The following TRHDE variants were observed in gnomAD, a reference collection of about 807,000 sequenced individuals.
The protein encoded by TRHDE is thyrotropin-releasing hormone-degrading ectoenzyme.
Under a neutral mutation model 125.7 loss-of-function variants are expected in TRHDE, and 72 were observed. The observed-to-expected ratio is 0.57, with a 90% CI of 0.47 to 0.70. The LOEUF (loss-of-function observed/expected upper bound fraction) is 0.70, where lower values mean the gene tolerates loss of function less well. Among genes scored for constraint, TRHDE ranks in the 30% least tolerant of loss-of-function variants. The pLI is 0.00. For missense variants in TRHDE, 1,110 were observed against 1,327.1 expected, an observed-to-expected ratio of 0.84 and a Z score of 2.54; for synonymous variants, 509 against 509.1, an observed-to-expected ratio of 1.00 and a Z score of 0.00.
intron 1 of TRHDE, among the ~76,000 whole-genome samples, chr12:72,275,275 T>A (rs765555648): frequency 3.3e-5 from 5 of 152,228 alleles, no homozygotes; most frequent in Non-Finnish European, 7.3e-5. Flanking sequence ...GTTGTGAAAG[T>A]AAGCAAAAGT....
chr12:72,640,653 G>A (rs1224644300), intron 15 of TRHDE, among the ~76,000 whole-genome samples: 1 of 148,804 alleles, frequency 6.7e-6, no homozygotes, highest in Non-Finnish European at 1.5e-5. Flanking sequence ...AAAGTAATAA[G>A]GTTCACGCAT....
chr12:72,139,964 G>A (rs1876076698), intron 2 of TRHDE, among the ~76,000 whole-genome samples: 3 of 152,044 alleles, frequency 2.0e-5, no homozygotes, highest in Non-Finnish European at 1.5e-5. Flanking sequence ...ACTCTTCATG[G>A]CAATAACATA....
intron 7 of TRHDE, among the ~76,000 whole-genome samples, chr12:72,545,085 C>A (rs780733422): frequency 6.6e-6 from 1 of 151,348 alleles, no homozygotes; most frequent in Non-Finnish European, 1.5e-5. Flanking sequence ...GTTGGTGATA[C>A]CACCAGCAAA....
intron 15 of TRHDE, among the ~76,000 whole-genome samples, chr12:72,639,588 G>T (rs1306692155): frequency 1.5e-5 from 2 of 136,680 alleles, no homozygotes; most frequent in Non-Finnish European, 2.9e-5. Context: ...CTGCTTTTTA[G>T]AGTTTCCAGT....
intron 6 of TRHDE, among the ~76,000 whole-genome samples, chr12:72,518,060 T>C (rs2135957872): frequency 6.7e-6 from 1 of 148,256 alleles, no homozygotes; most frequent in Admixed American, 6.7e-5. Flanking sequence ...GAGCTTTACT[T>C]CCAAGTATGT....
At chr12:72,250,862 A>ATTTT (rs1555170862) in intron 2 of TRHDE, among the ~76,000 whole-genome samples, 1 of 144,262 alleles carries the variant, frequency 6.9e-6, no homozygotes, top group African/African-American at 2.5e-5. Flanking sequence ...ATATATATAT[A>ATTTT]TTTTATTTTT....
chr12:72,581,242 T>C (rs1207657165), intron 12 of TRHDE, among the ~76,000 whole-genome samples: 2 of 152,210 alleles, frequency 1.3e-5, no homozygotes, highest in African/African-American at 4.8e-5. Context: ...AAACTAAATA[T>C]TTAAAAGATT....
intron 13 of TRHDE, 113 bp from the exon 14 acceptor site, chr12:72,620,995 A>T: frequency 1.9e-6 from 1 of 535,030 alleles, no homozygotes; most frequent in Non-Finnish European, 3.3e-6. Flanking sequence ...TTTTATGGAT[A>T]TTTGAAAGTA....
In TRHDE at chr12:72,363,784, G is replaced by A. The variant is rs550027298; in HGVS notation, c.1189-14211G>A. 4.4e-3 allele frequency among the ~76,000 whole-genome samples: 677 copies of A among 152,164 alleles called. 8 individuals are homozygous for A. The highest frequency in any genetic ancestry group is 0.015 in the African/African-American group (639 of 41,502). On this transcript the variant is annotated intron_variant, in intron 2 of 18. Transcript: ENST00000261180. Reference sequence around the variant, plus strand: ...AGTTCTAGCCAGGGCAATGAGGCAGGAGAAGGAAATAAAGGGTATTCAATT... The same window carrying A: ...AGTTCTAGCCAGGGCAATGAGGCAGAAGAAGGAAATAAAGGGTATTCAATT...
intron 18 of TRHDE, among the ~76,000 whole-genome samples, chr12:72,661,495 ATAAAT>A (rs1332577096): frequency 4.6e-5 from 7 of 152,208 alleles, no homozygotes; most frequent in African/African-American, 1.7e-4. Context: ...TATTTTTATA[ATAAAT>A]TAAAACAAAA....
At chr12:72,214,807 A>C (rs1310027942) in intron 2 of TRHDE, among the ~76,000 whole-genome samples, 1 of 152,168 alleles carries the variant, frequency 6.6e-6, no homozygotes, top group Non-Finnish European at 1.5e-5. Flanking sequence ...CTTTGAGATA[A>C]TTTCTCTTCA....
intron 3 of TRHDE, among the ~76,000 whole-genome samples, chr12:72,400,708 A>G (rs1873005329): frequency 6.6e-6 from 1 of 152,182 alleles, no homozygotes; most frequent in Non-Finnish European, 1.5e-5. Flanking sequence ...TTGTTAAACC[A>G]CATATTTTAT....
In TRHDE at chr12:72,562,209, T is replaced by C. The variant is rs747360178; in HGVS notation, c.1833T>C (p.Asp611=). 7.7e-6 allele frequency: 12 copies of C among 1,558,804 alleles called. No individual in the cohort carries two copies. Among genetic ancestry groups the C allele is most frequent in the Non-Finnish European group, 9.7e-6 (11 of 1,135,530 alleles). Residue 611 remains aspartate, a synonymous_variant, in exon 8 of 19, where the codon GAT becomes GAC. Transcript: ENST00000261180. ...AGTATGGTAATGCAGCCAGAAATGATCTCTGGAATACATTATCGGAGGTAA... is the reference window on the plus strand; with the variant it reads ...AGTATGGTAATGCAGCCAGAAATGACCTCTGGAATACATTATCGGAGGTAA... ...IHKYGNAARN[D]LWNTLSEALK...
At position 72,562,170 on chromosome 12, in the gene TRHDE, T is replaced by C. The variant is rs753881135; in HGVS notation, c.1794T>C (p.Tyr598=). Residue 598 remains tyrosine, a synonymous_variant, in exon 8 of 19, where the codon TAT becomes TAC. Coordinates refer to ENST00000261180, the MANE Select transcript of TRHDE (RefSeq NM_013381.3). ...HSVFQRGLQD[Y]LTIHKYGNAA... ...ACAATTTTATATTCTTGTAGGATTA[T>C]TTAACCATTCATAAGTATGGTAATG... is the stretch of plus-strand genomic sequence containing the variant. 6.7e-7 allele frequency: 1 copy of C among 1,495,336 alleles called. No homozygotes were observed. Among genetic ancestry groups the C allele is most frequent in the Non-Finnish European group, 9.3e-7 (1 of 1,078,444 alleles). The allele number at this position is 1,495,336 out of a possible 1,614,324, so 92.6% of individuals were successfully genotyped here.
intron 12 of TRHDE, among the ~76,000 whole-genome samples, chr12:72,575,978 C>A (rs974074688): frequency 6.6e-6 from 1 of 152,032 alleles, no homozygotes; most frequent in Non-Finnish European, 1.5e-5. Context: ...ATTAAATATT[C>A]CACTGGGTAA....
At chr12:72,159,224 G>A (rs555877462) in intron 2 of TRHDE, among the ~76,000 whole-genome samples, 120 of 152,264 alleles carry the variant, frequency 7.9e-4, no homozygotes, top group Middle Eastern at 3.4e-3. Flanking sequence ...GTAGTAGAAA[G>A]TTACTGATAA....
At chr12:72,600,635 A>G (rs1872171135) in intron 12 of TRHDE, among the ~76,000 whole-genome samples, 1 of 152,140 alleles carries the variant, frequency 6.6e-6, no homozygotes, top group East Asian at 1.9e-4. Flanking sequence ...TAGTTCCAGG[A>G]GTCTTTTGGC....
chr12:72,256,122 A>G (rs776223355), intron 2 of TRHDE: 1 of 152,062 alleles, frequency 6.6e-6, no homozygotes, highest in Non-Finnish European at 1.5e-5. Flanking sequence ...CCATCCATCA[A>G]CTTTCATGGC....
chr12:72,404,787 G>A (rs1478411687), intron 3 of TRHDE, among the ~76,000 whole-genome samples: 1 of 152,116 alleles, frequency 6.6e-6, no homozygotes, highest in Non-Finnish European at 1.5e-5. Context: ...TGAGATCACA[G>A]CCAAACCATA....
Sources: allele counts gnomAD v4.1 joint callset (sites outside exome capture counted in the v4.1 genomes callset), GRCh38; gene constraint gnomAD v4.1.1; transcripts MANE v1.5; gene names NCBI Gene and HGNC (gene_info 2026-07-23, HGNC 2026-07-21).